AZU1: variants seen among roughly 807,000 people sequenced by gnomAD.
AZU1 encodes the protein azurocidin.
A neutral mutation model predicts 17.8 loss-of-function variants in AZU1; 21 were observed. The ratio of observed to expected loss-of-function variants is 1.18; its 90% CI spans 0.84 to 1.70. The LOEUF is 1.70. Ranked by LOEUF, AZU1 falls within the 40% of genes most tolerant of loss-of-function variation. The probability of loss-of-function intolerance (pLI) is 0.00; values close to 1 mark genes in which losing one functional copy is unlikely to be tolerated. For synonymous variants in AZU1, 178 were observed against 155.2 expected, an observed-to-expected ratio of 1.15 and a Z score of -1.09; for missense variants, 379 against 362.9, an observed-to-expected ratio of 1.04 and a Z score of -0.36.
rs145363133 is a variant in AZU1 at position 830,861 on chromosome 19, G to A, written c.514G>A (p.Val172Met). The stretch of plus-strand genomic sequence containing the variant: ...CTCCCGTTTTCCCAGGTTTGTCAAC[G>A]TGACTGTGACCCCCGAGGACCAGTG... ...RLSRFPRFVN[V>M]TVTPEDQCRP... The change falls in exon 4 of 5, where the codon GTG (valine) becomes ATG (methionine). Residue 172 changes from valine (V) to methionine (M), a missense_variant. Transcript: ENST00000233997. 136 of 1,607,628 alleles carry A rather than the reference G, an allele frequency of 8.5e-5. No homozygotes were observed. Among genetic ancestry groups the A allele is most frequent in the Non-Finnish European group, 1.0e-4 (123 of 1,179,982 alleles).
intron 1 of AZU1, 94 bp downstream of exon 1, chr19:827,998 C>G (rs2035235810): frequency 6.7e-7 from 1 of 1,499,380 alleles, no homozygotes; most frequent in Non-Finnish European, 8.9e-7. Context: ...AGGCAAGCGG[C>G]TTGGCCTGGG....
intron 4 of AZU1, 152 bp from the exon 5 acceptor site, chr19:831,564 T>C (rs888781049): frequency 2.6e-5 from 24 of 911,526 alleles, no homozygotes; most frequent in Non-Finnish European, 3.5e-5. Context: ...CCACTAGCAG[T>C]TAACCAGGGC....
chr19:828,184 C>G, intron 1 of AZU1, 46 bp from the exon 2 acceptor site: 1 of 1,545,184 alleles, frequency 6.5e-7, no homozygotes. Flanking sequence ...CTCCCGGCCA[C>G]TGTGTGGATT....
At chr19:830,373 A>G (rs2035272791) in intron 3 of AZU1, among the ~76,000 whole-genome samples, 1 of 152,214 alleles carries the variant, frequency 6.6e-6, no homozygotes, top group Non-Finnish European at 1.5e-5. Flanking sequence ...GCTATGACAG[A>G]ATCATGTGAA....
In AZU1 at chr19:828,249, C is replaced by T; in HGVS notation, c.78C>T (p.Asp26=). 1 of 1,607,288 alleles carries T rather than the reference C, an allele frequency of 6.2e-7. No homozygotes were observed. The highest frequency in any genetic ancestry group is 8.5e-7 in the Non-Finnish European group (1 of 1,178,248). ...ACCCAGGCTCCAGCCCCCTTTTGGA[C>T]ATCGTTGGCGGCCGGAAGGCGAGGC... ...SSRAGSSPLL[D]IVGGRKARPR... The change falls in exon 2 of 5, where the codon GAC becomes GAT. Residue 26 remains aspartate (D), a synonymous_variant. Transcript: ENST00000233997.
At chr19:830,572 A>G in intron 3 of AZU1, 136 bp from the exon 4 acceptor site, 1 of 777,860 alleles carries the variant, frequency 1.3e-6, no homozygotes, top group Non-Finnish European at 2.0e-6. Flanking sequence ...GAGCCACCGC[A>G]CCCGGCCCCT....
chr19:830,730 C>A lies in AZU1; in HGVS notation c.383C>A (p.Thr128Asn). The change falls in exon 4 of 5, where the codon ACC becomes AAC. Residue 128 changes from threonine (T) to asparagine (N), a missense_variant. Thr to Asn is a moderately conservative substitution (Grantham distance 65, BLOSUM62 0). Coordinates refer to ENST00000233997, the MANE Select transcript of AZU1 (RefSeq NM_001700.5). The stretch of plus-strand genomic sequence containing the variant: ...CAGCTGGACCGTGAGGCCAACCTCA[C>A]CAGCAGCGTGACGATACTGCCACTG... ...LLQLDREANL[T>N]SSVTILPLPL... The A allele has an allele frequency of 1.3e-6, 2 of 1,584,790 alleles. No individual in the cohort carries two copies. Among genetic ancestry groups the A allele is most frequent in the Non-Finnish European group, 1.7e-6 (2 of 1,170,064 alleles).
Position 831,703 on chromosome 19 carries a change from G to A in AZU1, c.595-13G>A, listed in dbSNP as rs1413585978. 2 of 1,588,294 alleles carry A rather than the reference G, an allele frequency of 1.3e-6. No individual in the cohort carries two copies. Among genetic ancestry groups the A allele is most frequent in the African/African-American group, 2.7e-5 (2 of 74,246 alleles). On this transcript the variant is annotated splice_polypyrimidine_tract_variant and intron_variant, in intron 4 of 4. Coordinates refer to ENST00000233997, the MANE Select transcript of AZU1 (RefSeq NM_001700.5). ...GGCCCTGGGACGCCCTGACACAGCT[G>A]CTGCCTGCCCAGGGGGACGGGGGCA...
chr19:831,586 A>T (rs1160085565), intron 4 of AZU1, 130 bp from the exon 5 acceptor site: 1 of 1,030,680 alleles, frequency 9.7e-7, no homozygotes, highest in Non-Finnish European at 1.4e-6. Flanking sequence ...GAGAAAGAGA[A>T]GAGCCATGCA....
chr19:830,117 A>G lies in AZU1; in HGVS notation c.360+411A>G, dbSNP rs559322342. 3.9e-5 allele frequency among the ~76,000 whole-genome samples: 6 copies of G among 152,104 alleles called. No individual in the cohort carries two copies. The East Asian group carries it at 1.2e-3, about 30-fold the overall frequency. ...TCTACTAAAAATACAAAAATTAGCC[A>G]GGCATGGCAGCGGGCGCCTCTAGTC... On this transcript the variant is annotated intron_variant, in intron 3 of 4. Transcript: ENST00000233997.
intron 3 of AZU1, among the ~76,000 whole-genome samples, 179 bp from the exon 4 acceptor site, chr19:830,529 C>G (rs1388369275): frequency 6.6e-6 from 1 of 152,230 alleles, no homozygotes; most frequent in South Asian, 2.1e-4. Flanking sequence ...ATCCACCCAC[C>G]TTGGCCTCGC....
intron 2 of AZU1, among the ~76,000 whole-genome samples, chr19:829,306 G>C (rs2035256359): frequency 1.3e-5 from 2 of 150,896 alleles, no homozygotes; most frequent in African/African-American, 4.9e-5. Flanking sequence ...GAGAAGGGAA[G>C]GGACTCAGAT....
In AZU1 at chr19:828,220, C is replaced by G; in HGVS notation, c.59-10C>G. The G allele has an allele frequency of 2.5e-6, 4 of 1,592,196 alleles. No homozygotes were observed. Among genetic ancestry groups the G allele is most frequent in the Non-Finnish European group, 3.4e-6 (4 of 1,171,698 alleles). ...CTTGGGGATCTCAGAGCTGTCTCCC[C>G]CCGACCCAGGCTCCAGCCCCCTTTT... On this transcript the variant is annotated splice_polypyrimidine_tract_variant and intron_variant, in intron 1 of 4. Coordinates refer to ENST00000233997, the MANE Select transcript of AZU1 (RefSeq NM_001700.5).
Position 829,572 on chromosome 19 carries a change from G to T in AZU1, c.226G>T (p.Val76Phe). Residue 76 changes from valine to phenylalanine, a missense_variant, in exon 3 of 5, where the codon GTT becomes TTT. Val to Phe is a conservative substitution (Grantham distance 50). Coordinates refer to ENST00000233997, the MANE Select transcript of AZU1 (RefSeq NM_001700.5). ...ASCFQSQNPG[V>F]STVVLGAYDL... is the part of the protein sequence containing the mutation. ...CTCCGCTACTCTCAGGAACCCCGGG[G>T]TTAGCACCGTGGTGCTGGGTGCCTA... 6.2e-7 allele frequency: 1 copy of T among 1,613,028 alleles called. No homozygotes were observed. Among genetic ancestry groups the T allele is most frequent in the Admixed American group, 1.7e-5 (1 of 59,986 alleles).
At position 831,729 on chromosome 19, in the gene AZU1, C is replaced by G; in HGVS notation, c.608C>G (p.Thr203Ser). 6.2e-7 allele frequency: 1 copy of G among 1,604,932 alleles called. No individual in the cohort carries two copies. Among genetic ancestry groups the G allele is most frequent in the Non-Finnish European group, 8.5e-7 (1 of 1,176,296 alleles). The change falls in exon 5 of 5, where the codon ACC becomes AGC. Residue 203 changes from threonine (T) to serine (S), a missense_variant. Transcript: ENST00000233997. ...RGGICNGDGG[T>S]PLVCEGLAHG... ...CTGCCTGCCCAGGGGGACGGGGGCA[C>G]CCCCCTCGTCTGCGAGGGCCTGGCC...
rs886558457 is a variant in AZU1 at position 829,414 on chromosome 19, G to A, written c.216-148G>A. The A allele has an allele frequency of 3.7e-5, 42 of 1,136,952 alleles. 1 individual carries two copies. Among genetic ancestry groups the A allele is most frequent in the Non-Finnish European group, 4.7e-5 (38 of 803,518 alleles). 70.4% of individuals were successfully genotyped at this position (1,136,952 alleles called of 1,614,324 possible). A position where few individuals can be genotyped will look rare whatever the true frequency, so the allele number is the denominator to read the frequency against. ...TGGGAAGGGGGCCCTGGAAAGTCTC[G>A]GCTCTGCTTCTGTAAAAGCGGGGGA... On this transcript the variant is annotated intron_variant, in intron 2 of 4. Coordinates refer to ENST00000233997, the MANE Select transcript of AZU1 (RefSeq NM_001700.5).
Position 831,953 on chromosome 19 carries a change from C to A in AZU1, c.*76C>A. Reference sequence around the variant, plus strand: ...CGCTCCGCACCCACCTCCCACGGCCCCGCCCCTGCCCCCGCTCCGGCCAGA... The same window carrying A: ...CGCTCCGCACCCACCTCCCACGGCCACGCCCCTGCCCCCGCTCCGGCCAGA... On this transcript the variant is annotated 3_prime_UTR_variant, in exon 5 of 5. Transcript: ENST00000233997. 1 of 1,490,022 alleles carries A rather than the reference C, an allele frequency of 6.7e-7. No homozygotes were observed. Among genetic ancestry groups the A allele is most frequent in the East Asian group, 2.3e-5 (1 of 43,670 alleles). 92.3% of individuals were successfully genotyped at this position (1,490,022 alleles called of 1,614,324 possible).
At chr19:831,680 C>A in intron 4 of AZU1, 36 bp from the exon 5 acceptor site, 1 of 1,549,222 alleles carries the variant, frequency 6.5e-7, no homozygotes, top group South Asian at 1.2e-5. Context: ...GGGAGCCAGG[C>A]CCTGGGACGC....
intron 2 of AZU1, 68 bp downstream of exon 2, chr19:828,454 C>A: frequency 3.1e-6 from 4 of 1,295,642 alleles, no homozygotes; most frequent in South Asian, 2.0e-5. Context: ...GGGGCTTAGG[C>A]ATTCAGTGGG....
Sources: gnomAD v4.1 joint callset for allele counts (sites outside exome capture counted in the v4.1 genomes callset) on GRCh38, gnomAD v4.1.1 for gene constraint, MANE v1.5 for transcripts, NCBI Gene and HGNC (gene_info 2026-07-23, HGNC 2026-07-21) for gene names.